Variants in MICU1 observed in about 807,000 individuals in gnomAD.
MICU1 encodes the protein calcium uptake protein 1, mitochondrial.
MICU1 carries 45 observed loss-of-function variants against 56.8 expected under a neutral mutation model. The ratio of observed to expected loss-of-function variants is 0.79; its 90% CI spans 0.62 to 1.02. The LOEUF (loss-of-function observed/expected upper bound fraction) is 1.02, where lower values mean the gene tolerates loss of function less well. Among genes scored for constraint, MICU1 ranks in the 50% least tolerant of loss-of-function variants. The pLI is 0.00. For missense variants in MICU1, 504 were observed against 587.1 expected, an observed-to-expected ratio of 0.86 and a Z score of 1.46; for synonymous variants, 186 against 195.1, an observed-to-expected ratio of 0.95 and a Z score of 0.39.
chr10:72,382,586 G>A (rs1326808398), intron 10 of MICU1, among the ~76,000 whole-genome samples: 1 of 152,150 alleles, frequency 6.6e-6, no homozygotes, highest in Non-Finnish European at 1.5e-5. Context: ...AAATCTTACA[G>A]AGGACTAGTC....
At chr10:72,585,175 C>T (rs1841013865) in intron 1 of MICU1, among the ~76,000 whole-genome samples, 1 of 151,508 alleles carries the variant, frequency 6.6e-6, no homozygotes, top group Non-Finnish European at 1.5e-5. Flanking sequence ...GCAACCTCCA[C>T]CTCCCGGTTC....
At chr10:72,606,727 T>G (rs1453109170) in intron 1 of MICU1, among the ~76,000 whole-genome samples, 2 of 152,012 alleles carry the variant, frequency 1.3e-5, no homozygotes, top group African/African-American at 4.8e-5. Flanking sequence ...GGCTTCTAAA[T>G]AGTCCCAGAA....
intron 10 of MICU1, among the ~76,000 whole-genome samples, chr10:72,391,142 T>C (rs1221949677): frequency 8.8e-6 from 1 of 113,930 alleles, no homozygotes; most frequent in East Asian, 1.9e-4. Flanking sequence ...ATCAAAAATA[T>C]TTAAGAAAAT....
chr10:72,468,985 C>T (rs2132255151), intron 8 of MICU1, among the ~76,000 whole-genome samples: 1 of 152,260 alleles, frequency 6.6e-6, no homozygotes, highest in East Asian at 1.9e-4. Context: ...GTGAAGTAGA[C>T]CCGAGTTGGA....
chr10:72,540,420 T>C (rs569885575), intron 4 of MICU1, among the ~76,000 whole-genome samples: 1 of 151,638 alleles, frequency 6.6e-6, no homozygotes, highest in African/African-American at 2.4e-5. Flanking sequence ...ACACTTATAA[T>C]CCCAGCAGTT....
intron 1 of MICU1, among the ~76,000 whole-genome samples, chr10:72,604,192 A>G (rs889942597): frequency 6.6e-6 from 1 of 151,080 alleles, no homozygotes; most frequent in African/African-American, 2.4e-5. Context: ...ATCTCTCTAT[A>G]TTTATATTCT....
At chr10:72,517,310 G>C (rs1401819469) in intron 5 of MICU1, among the ~76,000 whole-genome samples, 1 of 152,118 alleles carries the variant, frequency 6.6e-6, no homozygotes, top group Non-Finnish European at 1.5e-5. Context: ...ATACAAAAAA[G>C]ATACTTGCAT....
intron 1 of MICU1, among the ~76,000 whole-genome samples, chr10:72,585,951 C>T (rs1270853992): frequency 2.7e-5 from 4 of 146,366 alleles, no homozygotes; most frequent in Non-Finnish European, 6.0e-5. Flanking sequence ...AGTTATTATA[C>T]ATTGTATTTT....
rs59119352 is a variant in MICU1 at position 72,503,865 on chromosome 10, G to GACACAC, written c.652+4284_652+4289dup. On this transcript the variant is annotated intron_variant, in intron 6 of 11. Coordinates refer to ENST00000361114, the MANE Select transcript of MICU1 (RefSeq NM_001195518.2). ...CAAGAACTCAATTCCATTTACAATA[G>GACACAC]ACACACACACACACACACACACACA... 3.9e-3 allele frequency among the ~76,000 whole-genome samples: 577 copies of GACACAC among 146,398 alleles called. 5 individuals carry two copies. The highest frequency in any genetic ancestry group is 0.013 in the African/African-American group (535 of 39,946).
intron 5 of MICU1, among the ~76,000 whole-genome samples, chr10:72,518,401 A>C (rs1005966342): frequency 6.6e-6 from 1 of 152,114 alleles, no homozygotes; most frequent in Non-Finnish European, 1.5e-5. Context: ...TTTTACTAGA[A>C]AGTATAACCT....
intron 5 of MICU1, chr10:72,524,028 T>C (rs988474490): frequency 1.6e-6 from 2 of 1,230,834 alleles, no homozygotes; most frequent in Admixed American, 8.1e-5. Context: ...GTAAGAAATT[T>C]CAAAAGAAAA....
At chr10:72,441,100 T>C (rs1422834036) in intron 8 of MICU1, among the ~76,000 whole-genome samples, 2 of 152,076 alleles carry the variant, frequency 1.3e-5, no homozygotes, top group Non-Finnish European at 2.9e-5. Context: ...CACATGCACA[T>C]GTATGTTTAT....
rs534107159 is a variant in MICU1, at chr10:72,603,079, G to C, written c.-2+22931C>G. ...ATGAGATCCTGTCTTGCAGTGAGCC[G>C]AGATCATGCCACTGACTCTGTTCCC... is the stretch of plus-strand genomic sequence containing the variant. On this transcript the variant is annotated intron_variant, in intron 1 of 11. Coordinates refer to ENST00000361114, the MANE Select transcript of MICU1 (RefSeq NM_001195518.2). Among the ~76,000 whole-genome samples, 100 of 151,966 alleles carry C rather than the reference G, an allele frequency of 6.6e-4. 1 individual carries two copies. Among genetic ancestry groups the C allele is most frequent in the African/African-American group, 2.4e-3 (100 of 41,350 alleles).
At chr10:72,523,125 A>G (rs1220328278) in intron 5 of MICU1, among the ~76,000 whole-genome samples, 1 of 152,046 alleles carries the variant, frequency 6.6e-6, no homozygotes, top group Non-Finnish European at 1.5e-5. Context: ...ATCTATTCCT[A>G]ATTAGTAAGG....
chr10:72,422,705 C>A (rs899355548), intron 9 of MICU1, among the ~76,000 whole-genome samples: 1 of 124,028 alleles, frequency 8.1e-6, no homozygotes, highest in Non-Finnish European at 1.8e-5. Context: ...TCACTACTCT[C>A]TTTAGGTATT....
chr10:72,535,972 G>T (rs910032135), intron 4 of MICU1, among the ~76,000 whole-genome samples: 1 of 152,086 alleles, frequency 6.6e-6, no homozygotes, highest in African/African-American at 2.4e-5. Flanking sequence ...GTTAAACACC[G>T]CATGTTCTCA....
At chr10:72,574,762 G>T (rs566660614) in intron 1 of MICU1, among the ~76,000 whole-genome samples, 1 of 152,238 alleles carries the variant, frequency 6.6e-6, no homozygotes, top group East Asian at 1.9e-4. Context: ...GTGAGGAAAG[G>T]ATAAAGGGAA....
At chr10:72,424,965 A>G (rs1238100564) in intron 8 of MICU1, among the ~76,000 whole-genome samples, 1 of 152,214 alleles carries the variant, frequency 6.6e-6, no homozygotes, top group African/African-American at 2.4e-5. Flanking sequence ...TTGTCACACC[A>G]TCTTTCTATA....
Position 72,566,039 on chromosome 10 carries a change from CTTTTTTTTTTTTTT to C in MICU1, c.161+580_161+593del, listed in dbSNP as rs11376019. On this transcript the variant is annotated intron_variant, in intron 2 of 11. Transcript: ENST00000361114. ...TGAAGTCTCAGAAAGCATTCATTTT[CTTTTTTTTTTTTTT>C]TTTTTTTTTGGAGACAGTTTTTCTC... Among the ~76,000 whole-genome samples, 11 of 69,832 alleles carry C rather than the reference CTTTTTTTTTTTTTT, an allele frequency of 1.6e-4. 1 individual carries two copies. The South Asian group carries it at 6.8e-3, about 43-fold the overall frequency. 45.8% of individuals were successfully genotyped at this position (69,832 alleles called of 152,430 possible). A position where few individuals can be genotyped will look rare whatever the true frequency, so the allele number is the denominator to read the frequency against.
Sources: gnomAD v4.1 joint callset for allele counts (sites outside exome capture counted in the v4.1 genomes callset) on GRCh38, gnomAD v4.1.1 for gene constraint, MANE v1.5 for transcripts, NCBI Gene and HGNC (gene_info 2026-07-23, HGNC 2026-07-21) for gene names.